The following MCTP1 variants were observed in gnomAD, a reference collection of about 807,000 sequenced individuals.
MCTP1 encodes multiple C2 and transmembrane domain containing 1.
In MCTP1, 69 loss-of-function variants were observed where a neutral mutation model predicts 120.6. The ratio of observed to expected loss-of-function variants is 0.57; its 90% CI spans 0.47 to 0.70. The LOEUF (loss-of-function observed/expected upper bound fraction) is 0.70. MCTP1 is among the 30% of genes least tolerant of loss of function. The pLI is 0.00. For synonymous variants in MCTP1, 529 were observed against 493.1 expected, an observed-to-expected ratio of 1.07 and a Z score of -0.96; for missense variants, 1,203 against 1,248.8, an observed-to-expected ratio of 0.96 and a Z score of 0.55.
intron 19 of MCTP1, among the ~76,000 whole-genome samples, chr5:94,764,420 CTTGT>C (rs1772075312): frequency 6.6e-6 from 1 of 152,054 alleles, no homozygotes; most frequent in Admixed American, 6.5e-5. Flanking sequence ...TCCATGCATC[CTTGT>C]TTATTATGAA....
At chr5:94,772,708 C>G (rs773065708) in intron 19 of MCTP1, among the ~76,000 whole-genome samples, 1 of 152,166 alleles carries the variant, frequency 6.6e-6, no homozygotes, top group Non-Finnish European at 1.5e-5. Flanking sequence ...TAGAAATAAA[C>G]AGTCTCTAGC....
intron 1 of MCTP1, among the ~76,000 whole-genome samples, chr5:95,024,326 G>A (rs1838787971): frequency 6.6e-6 from 1 of 152,006 alleles, no homozygotes; most frequent in Non-Finnish European, 1.5e-5. Context: ...AATAAATGTG[G>A]CTCACCATAT....
intron 1 of MCTP1, among the ~76,000 whole-genome samples, chr5:95,071,031 C>A (rs1752013121): frequency 6.6e-6 from 1 of 152,038 alleles, no homozygotes; most frequent in African/African-American, 2.4e-5. Flanking sequence ...AGAGCCAAGC[C>A]AAATGGACTG....
intron 2 of MCTP1, among the ~76,000 whole-genome samples, chr5:95,012,146 T>C (rs1430032271): frequency 6.6e-6 from 1 of 152,118 alleles, no homozygotes; most frequent in Admixed American, 6.6e-5. Flanking sequence ...CCTATCTCCA[T>C]ACATTTTTAT....
chr5:95,173,203 G>A (rs2152500805), intron 1 of MCTP1, among the ~76,000 whole-genome samples: 1 of 152,284 alleles, frequency 6.6e-6, no homozygotes, highest in East Asian at 1.9e-4. Context: ...TAGAGCCCAT[G>A]AGGCTACAAG....
chr5:95,105,861 T>C (rs1360609567), intron 1 of MCTP1, among the ~76,000 whole-genome samples: 1 of 152,316 alleles, frequency 6.6e-6, no homozygotes, highest in Non-Finnish European at 1.5e-5. Context: ...CCTTTTAATA[T>C]TCCCTACTCC....
intron 4 of MCTP1, among the ~76,000 whole-genome samples, chr5:94,941,068 GA>G (rs1817601423): frequency 6.6e-6 from 1 of 151,806 alleles, no homozygotes; most frequent in Non-Finnish European, 1.5e-5. Context: ...TTTAATTTTT[GA>G]AATTATTCCA....
intron 17 of MCTP1, among the ~76,000 whole-genome samples, chr5:94,813,127 GACAAAA>G (rs1174277297): frequency 1.3e-5 from 2 of 151,974 alleles, no homozygotes; most frequent in African/African-American, 4.8e-5. Flanking sequence ...TTAATACGAA[GACAAAA>G]ACCCCGTTTA....
chr5:95,249,780 G>A (rs1172352903), intron 1 of MCTP1, among the ~76,000 whole-genome samples: 1 of 152,156 alleles, frequency 6.6e-6, no homozygotes, highest in East Asian at 1.9e-4. Flanking sequence ...GTGATAGACT[G>A]GATTAAGAAA....
chr5:94,733,367 C>T (rs947526992), intron 19 of MCTP1, among the ~76,000 whole-genome samples: 3 of 152,182 alleles, frequency 2.0e-5, no homozygotes, highest in African/African-American at 7.2e-5. Flanking sequence ...TCCTCAAGCA[C>T]AGCAATACGA....
At chr5:94,719,953 C>T (rs1760480604) in intron 19 of MCTP1, among the ~76,000 whole-genome samples, 1 of 151,886 alleles carries the variant, frequency 6.6e-6, no homozygotes, top group Non-Finnish European at 1.5e-5. Context: ...GTGGAGAAAC[C>T]CCGTCTCTAC....
In MCTP1 at chr5:94,894,870, T is replaced by TTC. The variant is rs1803553341; in HGVS notation, c.1653-36_1653-35insGA. On this transcript the variant is annotated intron_variant, in intron 10 of 22. Coordinates refer to ENST00000515393, the MANE Select transcript of MCTP1 (RefSeq NM_024717.7). ...AATGTTTTGAATCAGCAAGTGGCTT[T>TTC]TTTTTTTTTTTTGCCATATCAAACA... The TTC allele has an allele frequency of 2.4e-6, 3 of 1,255,706 alleles. No individual in the cohort carries two copies. In the East Asian group the frequency reaches 8.2e-5, roughly 34 times the overall value. The allele number at this position is 1,255,706 out of a possible 1,614,324, so 77.8% of individuals were successfully genotyped here. A position where few individuals can be genotyped will look rare whatever the true frequency, so the allele number is the denominator to read the frequency against.
intron 19 of MCTP1, among the ~76,000 whole-genome samples, chr5:94,743,141 TAAA>T (rs11327016): frequency 1.4e-3 from 191 of 138,854 alleles, no homozygotes; most frequent in Middle Eastern, 3.6e-3. Context: ...TAACCCAATG[TAAA>T]AAAAAAAAAA....
At chr5:94,892,055 G>A (rs936642947) in intron 11 of MCTP1, among the ~76,000 whole-genome samples, 2 of 152,044 alleles carry the variant, frequency 1.3e-5, no homozygotes, top group African/African-American at 4.8e-5. Flanking sequence ...CAGCTGTCAG[G>A]GAGAGCATCT....
At chr5:95,081,310 A>G in intron 1 of MCTP1, 1 of 780,288 alleles carries the variant, frequency 1.3e-6, no homozygotes, top group South Asian at 1.9e-5. Flanking sequence ...AGAATCTCAA[A>G]TGCAACCTTC....
chr5:94,870,344 T>C (rs1217173243), intron 16 of MCTP1, 73 bp downstream of exon 16: 1 of 1,044,252 alleles, frequency 9.6e-7, no homozygotes, highest in African/African-American at 1.6e-5. Flanking sequence ...TTAAAGTTTA[T>C]TTGAATTTAC....
intron 19 of MCTP1, among the ~76,000 whole-genome samples, chr5:94,775,155 G>A (rs57297740): frequency 0.11 from 17,213 of 152,158 alleles, 1,266 homozygotes; most frequent in African/African-American, 0.21. Context: ...GAAGAAAAAG[G>A]AGAAGCAATG....
At chr5:94,968,601 G>C (rs1427620220) in intron 2 of MCTP1, among the ~76,000 whole-genome samples, 2 of 152,136 alleles carry the variant, frequency 1.3e-5, no homozygotes, top group African/African-American at 4.8e-5. Flanking sequence ...ATACAAAAAG[G>C]ATTTAGTTTG....
intron 2 of MCTP1, among the ~76,000 whole-genome samples, chr5:94,991,309 TA>T (rs1831508450): frequency 6.6e-6 from 1 of 152,156 alleles, no homozygotes; most frequent in African/African-American, 2.4e-5. Flanking sequence ...TGTGATGGAG[TA>T]AAAAGGAATA....
Sources: gnomAD v4.1 joint callset for allele counts (sites outside exome capture counted in the v4.1 genomes callset) on GRCh38, gnomAD v4.1.1 for gene constraint, MANE v1.5 for transcripts, NCBI Gene and HGNC (gene_info 2026-07-23, HGNC 2026-07-21) for gene names.